Variants in ARHGAP39 observed in about 807,000 individuals in gnomAD.
ARHGAP39 encodes Rho GTPase activating protein 39, also known as rho GTPase-activating protein 39.
Under a neutral mutation model 106.9 loss-of-function variants are expected in ARHGAP39, and 44 were observed. The observed-to-expected ratio is 0.41, with a 90% CI of 0.32 to 0.53. The LOEUF (loss-of-function observed/expected upper bound fraction) is 0.53, where lower values mean the gene tolerates loss of function less well. Among genes scored for constraint, ARHGAP39 ranks in the 20% least tolerant of loss-of-function variants. The pLI is 0.21. For missense variants in ARHGAP39, 1,496 were observed against 1,577.3 expected (o/e 0.95, Z 0.87); for synonymous variants, 768 against 693.2 (o/e 1.11, Z -1.69).
intron 1 of ARHGAP39, among the ~76,000 whole-genome samples, chr8:144,624,298 C>A (rs1460592881): frequency 6.6e-6 from 1 of 152,170 alleles, no homozygotes; most frequent in Non-Finnish European, 1.5e-5. Context: ...TTGGACAAAA[C>A]AATGAATCAT....
In ARHGAP39 at chr8:144,586,299, C is replaced by T. The variant is rs1364973873; in HGVS notation, c.81-5022G>A. The T allele has an allele frequency of 6.6e-6, 1 of 152,256 alleles. No individual in the cohort carries two copies. Among genetic ancestry groups the T allele is most frequent in the Non-Finnish European group, 1.5e-5 (1 of 68,092 alleles). The allele number at this position is 152,256 out of a possible 1,614,324, so 9.4% of individuals were successfully genotyped here. A position where few individuals can be genotyped will look rare whatever the true frequency, so the allele number is the denominator to read the frequency against. Reference sequence around the variant, plus strand: ...CCCGGCCTCAGGGCTGATTCTCAGCCAGCAGTGGCCACAACAGGACTTCCT... The same window carrying T: ...CCCGGCCTCAGGGCTGATTCTCAGCTAGCAGTGGCCACAACAGGACTTCCT... On this transcript the variant is annotated intron_variant, in intron 2 of 11. Coordinates refer to ENST00000377307, the MANE Select transcript of ARHGAP39 (RefSeq NM_025251.3). The surrounding 1 kb of genome is among the most constrained non-coding windows in gnomAD (Gnocchi z 4.2).
rs1469426462 is a variant in ARHGAP39 at position 144,581,023 on chromosome 8, T to C, written c.335A>G (p.Asn112Ser). The change falls in exon 3 of 12, where the codon AAC becomes AGC. Residue 112 changes from asparagine (N) to serine (S), a missense_variant. Asn to Ser is a conservative substitution (Grantham distance 46). Coordinates refer to ENST00000377307, the MANE Select transcript of ARHGAP39 (RefSeq NM_025251.3). The part of the protein sequence containing the change: ...PLAKLQTLKQ[N>S]TESPRASAES... ...CGCCGAGGCGCGCGGGGACTCCGTG[T>C]TCTGCTTCAGCGTCTGCAGCTTGGC... 6.3e-7 allele frequency: 1 copy of C among 1,587,942 alleles called. No individual in the cohort carries two copies.
At chr8:144,605,976 G>C (rs1192092179) in intron 1 of ARHGAP39, among the ~76,000 whole-genome samples, 1 of 152,248 alleles carries the variant, frequency 6.6e-6, no homozygotes, top group Non-Finnish European at 1.5e-5. Flanking sequence ...TCCACGATGG[G>C]CCGGGGCAGG....
In ARHGAP39 at chr8:144,545,249, C is replaced by A; in HGVS notation, c.2521G>T (p.Val841Leu). 1 of 1,534,290 alleles carries A rather than the reference C, an allele frequency of 6.5e-7. No homozygotes were observed. Among genetic ancestry groups the A allele is most frequent in the South Asian group, 1.2e-5 (1 of 81,006 alleles). The change falls in exon 6 of 12, where the codon GTG becomes TTG. Residue 841 changes from valine to leucine, a missense_variant and splice_region_variant. Val to Leu is a conservative substitution (Grantham distance 32). Around this residue, in one of 4 missense-constraint regions of ARHGAP39, gnomAD observed 470 missense variants for 605.1 expected, o/e 0.78. Coordinates refer to ENST00000377307, the MANE Select transcript of ARHGAP39 (RefSeq NM_025251.3). ...RHMDPVNDTK[V>L]TQHIKELLER... ...TGGCAAAGCCCGTGCATGGCCTTACCTTTAGTGTCATTGACGGGGTCCATG... is the reference window on the plus strand; with the variant it reads ...TGGCAAAGCCCGTGCATGGCCTTACATTTAGTGTCATTGACGGGGTCCATG...
At chr8:144,695,980 G>C in the ARHGAP39 span, among the ~76,000 whole-genome samples, 40 of 152,198 alleles carry the variant, frequency 2.6e-4, no homozygotes, top group Non-Finnish European at 4.9e-4. Context: ...TTAGCTAAGG[G>C]AGAGTCAATT....
At chr8:144,693,374 TTTTG>T in the ARHGAP39 span, among the ~76,000 whole-genome samples, 4 of 126,032 alleles carry the variant, frequency 3.2e-5, no homozygotes, top group South Asian at 2.6e-4. Context: ...TAAAATTCTT[TTTTG>T]TTTGTTTGTT....
chr8:144,582,817 G>C (rs962200889), intron 2 of ARHGAP39, among the ~76,000 whole-genome samples: 1 of 152,208 alleles, frequency 6.6e-6, no homozygotes, highest in Admixed American at 6.5e-5. Flanking sequence ...GGCTGCAGGG[G>C]AAGGCAGATG....
intron 1 of ARHGAP39, among the ~76,000 whole-genome samples, chr8:144,643,895 G>C (rs186662457): frequency 6.6e-6 from 1 of 151,968 alleles, no homozygotes; most frequent in African/African-American, 2.4e-5. Context: ...AGGATGGCTA[G>C]GGAAAAAAAG....
intron 1 of ARHGAP39, among the ~76,000 whole-genome samples, chr8:144,630,825 G>C (rs1821041610): frequency 6.6e-6 from 1 of 152,250 alleles, no homozygotes; most frequent in South Asian, 2.1e-4. Flanking sequence ...CCAGCCTCCA[G>C]AACTGTGAGA....
chr8:144,542,292 C>A (rs1231768543), intron 6 of ARHGAP39, among the ~76,000 whole-genome samples: 1 of 152,168 alleles, frequency 6.6e-6, no homozygotes, highest in Non-Finnish European at 1.5e-5. Context: ...GTGTGAGCAC[C>A]CATGAGACAA....
At chr8:144,555,129 T>G (rs1817867614) in intron 4 of ARHGAP39, among the ~76,000 whole-genome samples, 1 of 152,244 alleles carries the variant, frequency 6.6e-6, no homozygotes, top group African/African-American at 2.4e-5. Flanking sequence ...CTCCAGAACC[T>G]TCCAGCAGTC....
At chr8:144,654,466 T>C (rs148605512) in intron 1 of ARHGAP39, among the ~76,000 whole-genome samples, 22 of 152,328 alleles carry the variant, frequency 1.4e-4, no homozygotes, top group African/African-American at 5.3e-4. Context: ...ATCACACTAC[T>C]GCATTCCAGC....
At chr8:144,574,891 A>G (rs1818717093) in intron 3 of ARHGAP39, among the ~76,000 whole-genome samples, 1 of 152,162 alleles carries the variant, frequency 6.6e-6, no homozygotes, top group Non-Finnish European at 1.5e-5. Flanking sequence ...GTTCTGAGAA[A>G]CACGTCATCA....
At position 144,632,190 on chromosome 8, in the gene ARHGAP39, C is replaced by A. The variant is rs181208530; in HGVS notation, c.-81-26495G>T. On this transcript the variant is annotated intron_variant, in intron 1 of 11. Coordinates refer to ENST00000377307, the MANE Select transcript of ARHGAP39 (RefSeq NM_025251.3). ...GTTTCACTGCAGTATAAGTTGCACA[C>A]CTTAAGATCCATGCACTGTGAGTAC... Among the ~76,000 whole-genome samples, 375 of 152,336 alleles carry A rather than the reference C, an allele frequency of 2.5e-3. 3 individuals are homozygous for A. The highest frequency in any genetic ancestry group is 1.5e-3 in the Non-Finnish European group (104 of 68,026).
chr8:144,609,076 G>A (rs1820393774), intron 1 of ARHGAP39, among the ~76,000 whole-genome samples: 1 of 152,200 alleles, frequency 6.6e-6, no homozygotes, highest in Non-Finnish European at 1.5e-5. Context: ...AGAACCTGCA[G>A]TATTATTACT....
chr8:144,614,306 T>C (rs1213352660), intron 1 of ARHGAP39, among the ~76,000 whole-genome samples: 2 of 152,194 alleles, frequency 1.3e-5, no homozygotes, highest in Non-Finnish European at 2.9e-5. Flanking sequence ...CCAGACATTA[T>C]GAATGTTACC....
upstream of ARHGAP39, among the ~76,000 whole-genome samples, chr8:144,686,886 T>TA (rs1563738766): frequency 3.2e-4 from 48 of 148,248 alleles, no homozygotes; most frequent in South Asian, 8.4e-4. Context: ...GACAACACAC[T>TA]GGCGGCGAGC....
At chr8:144,600,098 C>T (rs1433743667) in intron 2 of ARHGAP39, among the ~76,000 whole-genome samples, 3 of 151,928 alleles carry the variant, frequency 2.0e-5, no homozygotes, top group East Asian at 1.9e-4. Flanking sequence ...CATGTGTGCG[C>T]ACTTGTGTAC....
At chr8:144,599,251 T>C (rs1819748522) in intron 2 of ARHGAP39, among the ~76,000 whole-genome samples, 1 of 152,054 alleles carries the variant, frequency 6.6e-6, no homozygotes, top group Non-Finnish European at 1.5e-5. Flanking sequence ...TTGCAGAATA[T>C]GCGAAATTAC....
Sources: gnomAD v4.1 joint callset for allele counts (sites outside exome capture counted in the v4.1 genomes callset) on GRCh38, gnomAD v4.1.1 for gene constraint, gnomAD v4.1.1 regional missense constraint, Gnocchi (gnomAD v3.1) non-coding constraint, MANE v1.5 for transcripts, NCBI Gene and HGNC (gene_info 2026-07-23, HGNC 2026-07-21) for gene names.